The following TMCO1 variants were observed in gnomAD, a reference collection of about 807,000 sequenced individuals.
The protein encoded by TMCO1 is transmembrane and coiled-coil domains 1.
In TMCO1, 29 loss-of-function variants were observed where a neutral mutation model predicts 29.3. The ratio of observed to expected loss-of-function variants is 0.99; its 90% CI spans 0.74 to 1.35. The LOEUF is 1.35. Among genes scored for constraint, TMCO1 ranks in the 40% most tolerant of loss-of-function variants. TMCO1 has a pLI of 0.00. For missense variants in TMCO1, 173 were observed against 225.5 expected (o/e 0.77, Z 1.49); for synonymous variants, 80 against 77.1 (o/e 1.04, Z -0.20).
At chr1:165,764,052 T>G (rs1652489936) in intron 2 of TMCO1, among the ~76,000 whole-genome samples, 1 of 152,172 alleles carries the variant, frequency 6.6e-6, no homozygotes, top group South Asian at 2.1e-4. Flanking sequence ...ATAAGGCAAA[T>G]CCATATTATA....
intron 5 of TMCO1, among the ~76,000 whole-genome samples, chr1:165,747,948 C>T (rs1049966380): frequency 6.6e-6 from 1 of 152,148 alleles, no homozygotes; most frequent in Non-Finnish European, 1.5e-5. Context: ...CACCTGAGGT[C>T]AGGAATTCAA....
intron 6 of TMCO1, among the ~76,000 whole-genome samples, chr1:165,729,130 A>G (rs983235429): frequency 6.9e-6 from 1 of 145,770 alleles, no homozygotes; most frequent in Admixed American, 6.8e-5. Context: ...AAAAAAAACC[A>G]GTTTCAATTT....
At chr1:165,743,930 A>C (rs1651695151) in intron 5 of TMCO1, among the ~76,000 whole-genome samples, 1 of 150,192 alleles carries the variant, frequency 6.7e-6, no homozygotes, top group African/African-American at 2.5e-5. Context: ...TCGCCGTCTC[A>C]GCTCACTGCA....
chr1:165,760,352 A>G (rs1652352905), intron 2 of TMCO1, among the ~76,000 whole-genome samples: 1 of 151,882 alleles, frequency 6.6e-6, no homozygotes. Flanking sequence ...AATCACTTGA[A>G]TCCAGGCGGT....
intron 6 of TMCO1, among the ~76,000 whole-genome samples, chr1:165,730,191 C>G (rs1479626389): frequency 6.9e-6 from 1 of 144,400 alleles, no homozygotes; most frequent in Non-Finnish European, 1.5e-5. Flanking sequence ...AAAAAATTAG[C>G]CGGGAGAGGT....
intron 4 of TMCO1, among the ~76,000 whole-genome samples, chr1:165,753,472 CAAAAAAAA>C (rs35980344): frequency 6.3e-5 from 3 of 47,766 alleles, no homozygotes; most frequent in South Asian, 2.5e-3. Context: ...GACTCTGTCT[CAAAAAAAA>C]AAAAAAAAAA....
In TMCO1 at chr1:165,727,977, G is replaced by A; in HGVS notation, c.*46C>T. On this transcript the variant is annotated 3_prime_UTR_variant, in exon 7 of 7. Transcript: ENST00000367881. ...GCTACAAAACAGTTGCCAGTCTGAT[G>A]TGTGTGTGTCTAGAAAGAATGATAG... is the stretch of plus-strand genomic sequence containing the variant. The A allele has an allele frequency of 7.2e-7, 1 of 1,393,594 alleles. No individual in the cohort carries two copies. The highest frequency in any genetic ancestry group is 1.2e-5 in the South Asian group (1 of 86,564). 86.3% of individuals were successfully genotyped at this position (1,393,594 alleles called of 1,614,324 possible).
chr1:165,739,697 T>C (rs1263778690), intron 6 of TMCO1, among the ~76,000 whole-genome samples: 1 of 152,038 alleles, frequency 6.6e-6, no homozygotes, highest in African/African-American at 2.4e-5. Flanking sequence ...CTCTAAATGA[T>C]AATTCTTAAC....
chr1:165,762,692 C>T (rs747008693), intron 2 of TMCO1, among the ~76,000 whole-genome samples: 1 of 152,098 alleles, frequency 6.6e-6, no homozygotes, highest in Non-Finnish European at 1.5e-5. Flanking sequence ...CATTTCTGTC[C>T]ATGATCTGTA....
rs1453539685 is a variant in TMCO1 at position 165,766,131 on chromosome 1, G to C, written c.148+2061C>G. ...ACAGACTAGATGTGGGTTGTAAGAA[G>C]AGTAAAAGATAACTACACAAGAATT... On this transcript the variant is annotated intron_variant, in intron 2 of 6. Coordinates refer to ENST00000367881, the MANE Select transcript of TMCO1 (RefSeq NM_019026.6). 2.6e-5 allele frequency among the ~76,000 whole-genome samples: 4 copies of C among 152,172 alleles called. No individual in the cohort carries two copies. In the East Asian group the frequency reaches 7.7e-4, roughly 29 times the overall value.
At chr1:165,752,217 T>C in intron 4 of TMCO1, 48 bp from the exon 5 acceptor site, 1 of 1,236,578 alleles carries the variant, frequency 8.1e-7, no homozygotes, top group Non-Finnish European at 1.2e-6. Flanking sequence ...AAAAAACACA[T>C]CTAAAGCATA....
chr1:165,736,725 A>AC (rs199683966), intron 6 of TMCO1, among the ~76,000 whole-genome samples: 3,582 of 139,816 alleles, frequency 0.026, 64 homozygotes, highest in Admixed American at 0.041. Flanking sequence ...CATCTCAAAA[A>AC]AAAAAAAAAC....
chr1:165,726,435 A>C (rs946324976), downstream of TMCO1: 1 of 598,114 alleles, frequency 1.7e-6, no homozygotes, highest in African/African-American at 1.8e-5. Flanking sequence ...GAGAATCACC[A>C]CATACCCATG....
chr1:165,730,208 C>T (rs112547499), intron 6 of TMCO1, among the ~76,000 whole-genome samples: 1,814 of 149,972 alleles, frequency 0.012, 50 homozygotes, highest in African/African-American at 0.043. Context: ...AGGTGGCGGG[C>T]GCCTGTAGTC....
chr1:165,737,442 G>A (rs1157420975), intron 6 of TMCO1, among the ~76,000 whole-genome samples: 1 of 152,110 alleles, frequency 6.6e-6, no homozygotes, highest in African/African-American at 2.4e-5. Context: ...AGAAGAGAGA[G>A]AGAATGAGGC....
chr1:165,759,415 A>G, intron 3 of TMCO1, 110 bp downstream of exon 3: 1 of 835,326 alleles, frequency 1.2e-6, no homozygotes, highest in Admixed American at 2.2e-5. Context: ...ATAAACCATA[A>G]AATCATAGAA....
intron 6 of TMCO1, among the ~76,000 whole-genome samples, chr1:165,732,477 T>TTC (rs143135718): frequency 0.011 from 1,604 of 144,032 alleles, 21 homozygotes; most frequent in African/African-American, 0.029. Context: ...AGCAAATGGT[T>TTC]TCTCTCTCTC....
intron 3 of TMCO1, among the ~76,000 whole-genome samples, chr1:165,758,505 G>A (rs1652279846): frequency 6.7e-6 from 1 of 149,716 alleles, no homozygotes; most frequent in Non-Finnish European, 1.5e-5. Flanking sequence ...GCAGTGAGCC[G>A]AGATCACACC....
chr1:165,753,475 A>AG (rs1437216283), intron 4 of TMCO1, among the ~76,000 whole-genome samples: 1 of 148,388 alleles, frequency 6.7e-6, no homozygotes, highest in Non-Finnish European at 1.5e-5. Flanking sequence ...TCTGTCTCAA[A>AG]AAAAAAAAAA....
Sources: allele counts gnomAD v4.1 joint callset (sites outside exome capture counted in the v4.1 genomes callset), GRCh38; gene constraint gnomAD v4.1.1; transcripts MANE v1.5; gene names NCBI Gene and HGNC (gene_info 2026-07-23, HGNC 2026-07-21).